NLRP5: variants seen among roughly 807,000 people sequenced by gnomAD.
NLRP5 encodes NLR family pyrin domain containing 5, also known as NACHT, LRR and PYD domains-containing protein 5.
In NLRP5, 93 loss-of-function variants were observed where a neutral mutation model predicts 113.1. The ratio of observed to expected loss-of-function variants is 0.82; its 90% CI spans 0.70 to 0.98. The LOEUF (loss-of-function observed/expected upper bound fraction) is 0.98. Among genes scored for constraint, NLRP5 ranks in the 50% least tolerant of loss-of-function variants. The probability of loss-of-function intolerance (pLI) is 0.00; values close to 1 mark genes in which losing one functional copy is unlikely to be tolerated. For missense variants in NLRP5, 1,808 were observed against 1,514.3 expected, an observed-to-expected ratio of 1.19 and a Z score of -3.22; for synonymous variants, 751 against 600.7, an observed-to-expected ratio of 1.25 and a Z score of -3.66.
intron 3 of NLRP5, among the ~76,000 whole-genome samples, chr19:56,013,595 G>GTTTTTTTTTTTTTTTT (rs1418924718): frequency 1.6e-4 from 5 of 30,976 alleles, no homozygotes; most frequent in South Asian, 1.9e-3. Flanking sequence ...TGGACATTTG[G>GTTTTTTTTTTTTTTTT]GTTTTTTTTT....
intron 4 of NLRP5, 152 bp from the exon 5 acceptor site, chr19:56,019,190 G>A (rs921172016): frequency 2.5e-6 from 2 of 792,816 alleles, no homozygotes; most frequent in Admixed American, 4.8e-5. Flanking sequence ...CATTGTACCA[G>A]TGCACTCTGT....
chr19:56,017,575 T>A (rs1435981720), intron 4 of NLRP5, among the ~76,000 whole-genome samples: 1 of 152,174 alleles, frequency 6.6e-6, no homozygotes, highest in Non-Finnish European at 1.5e-5. Flanking sequence ...ATTTTCAAAT[T>A]TTCTGACTGA....
chr19:56,034,445 G>A (rs142542727), intron 9 of NLRP5, among the ~76,000 whole-genome samples: 106 of 152,266 alleles, frequency 7.0e-4, no homozygotes, highest in African/African-American at 2.5e-3. Flanking sequence ...ACATACTATC[G>A]CATAATATCA....
At chr19:56,009,175 C>A (rs62123590) in intron 3 of NLRP5, among the ~76,000 whole-genome samples, 1 of 151,356 alleles carries the variant, frequency 6.6e-6, no homozygotes, top group African/African-American at 2.4e-5. Context: ...GTCGTCTCTA[C>A]TAAAAATACA....
chr19:56,048,885 C>T (rs1448714047), intron 11 of NLRP5, among the ~76,000 whole-genome samples: 1 of 150,192 alleles, frequency 6.7e-6, no homozygotes, highest in Admixed American at 6.6e-5. Flanking sequence ...TAATCCCAGA[C>T]TTCTGGAGGC....
In NLRP5 at chr19:56,007,941, CAG is replaced by C. The variant is rs534876113; in HGVS notation, c.443-844_443-843del. Reference sequence around the variant, plus strand: ...TGTGTGTGTGTGTGTGTGTTTGAAACAGAGTCTTGCTCTGTCGCCCAGGCTGG... The same window carrying C: ...TGTGTGTGTGTGTGTGTGTTTGAAACAGTCTTGCTCTGTCGCCCAGGCTGG... On this transcript the variant is annotated intron_variant, in intron 2 of 14. Coordinates refer to ENST00000390649, the MANE Select transcript of NLRP5 (RefSeq NM_153447.4). 3.0e-3 allele frequency among the ~76,000 whole-genome samples: 391 copies of C among 130,648 alleles called. 32 individuals are homozygous for C. The highest frequency in any genetic ancestry group is 5.5e-3 in the Non-Finnish European group (338 of 61,824). 85.7% of individuals were successfully genotyped at this position (130,648 alleles called of 152,430 possible).
In NLRP5 at chr19:56,039,247, G is replaced by C. The variant is rs551129905; in HGVS notation, c.2786+1052G>C. Among the ~76,000 whole-genome samples, 4 of 152,302 alleles carry C rather than the reference G, an allele frequency of 2.6e-5. No individual in the cohort carries two copies. The East Asian group carries it at 7.7e-4, about 29-fold the overall frequency. On this transcript the variant is annotated intron_variant, in intron 10 of 14. Transcript: ENST00000390649. ...GGGAGTCAAGGGTGGGGCTAATTCA[G>C]CTGAGCCACCCAGCGTGGCAGCCAT...
At chr19:55,996,959 A>G (rs934058325), upstream of NLRP5, among the ~76,000 whole-genome samples, 17 of 152,254 alleles carry the variant, frequency 1.1e-4, no homozygotes, top group Admixed American at 1.1e-3. Context: ...CCAACAGCGT[A>G]AAAGTGTTTC....
intron 2 of NLRP5, among the ~76,000 whole-genome samples, chr19:56,006,265 G>A (rs1287009724): frequency 6.6e-6 from 1 of 152,088 alleles, no homozygotes; most frequent in Non-Finnish European, 1.5e-5. Context: ...TCACACACCG[G>A]GGTCTGTTGT....
chr19:56,014,550 G>A (rs1325255032), intron 3 of NLRP5, among the ~76,000 whole-genome samples: 2 of 151,258 alleles, frequency 1.3e-5, no homozygotes, highest in African/African-American at 4.9e-5. Flanking sequence ...TAAGGATTTT[G>A]TAGTTACAGC....
At chr19:56,030,884 T>C (rs1983081976) in intron 7 of NLRP5, among the ~76,000 whole-genome samples, 1 of 151,744 alleles carries the variant, frequency 6.6e-6, no homozygotes, top group South Asian at 2.1e-4. Flanking sequence ...CGGCTAACTT[T>C]TGTATTTTTA....
chr19:56,018,491 T>C (rs893807976), intron 4 of NLRP5: 5 of 152,250 alleles, frequency 3.3e-5, no homozygotes, highest in African/African-American at 1.2e-4. Flanking sequence ...TCTTTGCTTT[T>C]CTAGATGAGC....
chr19:56,054,498 C>T (rs1397253546), intron 13 of NLRP5, among the ~76,000 whole-genome samples: 5 of 149,310 alleles, frequency 3.3e-5, no homozygotes, highest in African/African-American at 1.2e-4. Flanking sequence ...GTGGAGGTTG[C>T]AGTGAGCCGA....
rs914998349 is a variant in NLRP5, at chr19:56,055,621, C to T, written c.3299+1813C>T. ...AGTGCAGTGGCGCGATCTCAGCTCACTGCAAGCTCCGCCTCCCAGGTTCAC... is the reference window on the plus strand; with the variant it reads ...AGTGCAGTGGCGCGATCTCAGCTCATTGCAAGCTCCGCCTCCCAGGTTCAC... On this transcript the variant is annotated intron_variant, in intron 13 of 14. Coordinates refer to ENST00000390649, the MANE Select transcript of NLRP5 (RefSeq NM_153447.4). Among the ~76,000 whole-genome samples, 79 of 137,772 alleles carry T rather than the reference C, an allele frequency of 5.7e-4. 1 individual carries two copies. The highest frequency in any genetic ancestry group is 3.1e-4 in the Admixed American group (4 of 12,752). The allele number at this position is 137,772 out of a possible 152,430, so 90.4% of individuals were successfully genotyped here. A position where few individuals can be genotyped will look rare whatever the true frequency, so the allele number is the denominator to read the frequency against.
intron 4 of NLRP5, among the ~76,000 whole-genome samples, chr19:56,017,575 T>C (rs1435981720): frequency 6.6e-6 from 1 of 152,174 alleles, no homozygotes; most frequent in Non-Finnish European, 1.5e-5. Context: ...ATTTTCAAAT[T>C]TTCTGACTGA....
intron 11 of NLRP5, among the ~76,000 whole-genome samples, chr19:56,044,142 C>T (rs1475545621): frequency 6.6e-6 from 1 of 151,144 alleles, no homozygotes; most frequent in African/African-American, 2.4e-5. Flanking sequence ...GAGCTCACTG[C>T]AACCTCCACC....
chr19:56,060,543 C>T (rs1297341595), intron 14 of NLRP5, among the ~76,000 whole-genome samples: 1 of 152,024 alleles, frequency 6.6e-6, no homozygotes, highest in Admixed American at 6.6e-5. Flanking sequence ...CTATCAATGA[C>T]ATTAAGGGAG....
At chr19:56,014,149 C>T (rs1982316521) in intron 3 of NLRP5, among the ~76,000 whole-genome samples, 1 of 152,140 alleles carries the variant, frequency 6.6e-6, no homozygotes, top group Admixed American at 6.6e-5. Context: ...AATTTATTTC[C>T]TTGATTGTTT....
chr19:56,055,825 A>T (rs10404415), intron 13 of NLRP5, among the ~76,000 whole-genome samples: 1 of 151,726 alleles, frequency 6.6e-6, no homozygotes, highest in Non-Finnish European at 1.5e-5. Flanking sequence ...GATTACAGGC[A>T]TAAGCCACCG....
Sources: allele counts gnomAD v4.1 joint callset (sites outside exome capture counted in the v4.1 genomes callset), GRCh38; gene constraint gnomAD v4.1.1; transcripts MANE v1.5; gene names NCBI Gene and HGNC (gene_info 2026-07-23, HGNC 2026-07-21).